Variants in PTPRD observed in about 807,000 individuals in gnomAD.
PTPRD encodes the protein protein tyrosine phosphatase receptor type D.
Under a neutral mutation model 214.5 loss-of-function variants are expected in PTPRD, and 34 were observed. The observed-to-expected ratio is 0.16, with a 90% confidence interval of 0.12 to 0.21. The LOEUF is 0.21. PTPRD is among the 10% of genes least tolerant of loss of function. PTPRD has a pLI of 1.00. For synonymous variants in PTPRD, 1,128 were observed against 845.7 expected, an observed-to-expected ratio of 1.33 and a Z score of -5.79; for missense variants, 2,545 against 2,398.7, an observed-to-expected ratio of 1.06 and a Z score of -1.27.
chr9:9,714,146 G>C (rs962430436), intron 7 of PTPRD, among the ~76,000 whole-genome samples: 2 of 149,416 alleles, frequency 1.3e-5, no homozygotes, highest in Admixed American at 6.7e-5. Flanking sequence ...CTTCACTAAA[G>C]CTTCCTGTAT....
intron 3 of PTPRD, among the ~76,000 whole-genome samples, chr9:10,167,542 T>A (rs2099166803): frequency 6.6e-6 from 1 of 152,170 alleles, no homozygotes; most frequent in South Asian, 2.1e-4. Flanking sequence ...AATACTCTTT[T>A]CTGAACTGTA....
At chr9:9,614,730 A>T (rs2154347972) in intron 7 of PTPRD, among the ~76,000 whole-genome samples, 1 of 152,334 alleles carries the variant, frequency 6.6e-6, no homozygotes, top group African/African-American at 2.4e-5. Flanking sequence ...AAGTAACCTT[A>T]TACCTATATA....
At chr9:9,407,472 T>C (rs1191202305) in intron 8 of PTPRD, among the ~76,000 whole-genome samples, 1 of 151,810 alleles carries the variant, frequency 6.6e-6, no homozygotes, top group Non-Finnish European at 1.5e-5. Flanking sequence ...ACATTGAGTA[T>C]ACCAGATTTA....
intron 3 of PTPRD, among the ~76,000 whole-genome samples, chr9:10,145,616 T>C (rs927498416): frequency 6.6e-6 from 1 of 152,154 alleles, no homozygotes; most frequent in African/African-American, 2.4e-5. Context: ...TAACCCATTA[T>C]TAAGTTTTGG....
chr9:10,073,570 T>C (rs1173381554), intron 3 of PTPRD, among the ~76,000 whole-genome samples: 1 of 152,084 alleles, frequency 6.6e-6, no homozygotes, highest in Non-Finnish European at 1.5e-5. Flanking sequence ...TTTGATTTGC[T>C]AAAAATCCCA....
chr9:8,537,164 G>C (rs1307135423), intron 14 of PTPRD, among the ~76,000 whole-genome samples: 1 of 151,894 alleles, frequency 6.6e-6, no homozygotes, highest in African/African-American at 2.4e-5. Flanking sequence ...TTGAATAAGG[G>C]ACTGAAAACA....
chr9:9,654,543 A>G (rs947363746), intron 7 of PTPRD, among the ~76,000 whole-genome samples: 2 of 152,170 alleles, frequency 1.3e-5, no homozygotes, highest in African/African-American at 2.4e-5. Flanking sequence ...GAGAATGTGG[A>G]AATAAACAAA....
intron 9 of PTPRD, among the ~76,000 whole-genome samples, chr9:9,279,503 G>A (rs963852005): frequency 2.0e-5 from 3 of 150,082 alleles, no homozygotes; most frequent in Non-Finnish European, 4.5e-5. Flanking sequence ...AATTTAAAAA[G>A]CATAAGATAC....
chr9:8,733,562 G>A (rs1185897641), intron 12 of PTPRD, among the ~76,000 whole-genome samples: 1 of 152,166 alleles, frequency 6.6e-6, no homozygotes, highest in African/African-American at 2.4e-5. Flanking sequence ...GGAGCAGTTA[G>A]ATGCACAAGA....
chr9:9,922,725 A>G (rs772048374), intron 5 of PTPRD, among the ~76,000 whole-genome samples: 1 of 152,126 alleles, frequency 6.6e-6, no homozygotes, highest in Non-Finnish European at 1.5e-5. Context: ...CCAGTAGAAC[A>G]TAAGACAAAC....
chr9:9,316,890 G>T (rs1020113958), intron 9 of PTPRD, among the ~76,000 whole-genome samples: 1 of 152,052 alleles, frequency 6.6e-6, no homozygotes, highest in African/African-American at 2.4e-5. Context: ...TCTTCACTGA[G>T]AATATTGAGA....
In PTPRD at chr9:10,190,181, A is replaced by G. The variant is rs144662165; in HGVS notation, c.-545+150782T>C. Reference sequence around the variant, plus strand: ...CAGGAGTTCGAGATCAGCCTGACCAATATGGTGAAACCTCGTCTCTACTAA... The same window carrying G: ...CAGGAGTTCGAGATCAGCCTGACCAGTATGGTGAAACCTCGTCTCTACTAA... On this transcript the variant is annotated intron_variant, in intron 3 of 45. Transcript: ENST00000381196. Among the ~76,000 whole-genome samples the G allele has an allele frequency of 2.0e-3, 297 of 151,732 alleles. 2 individuals carry two copies. Among genetic ancestry groups the G allele is most frequent in the Admixed American group, 3.9e-3 (59 of 15,232 alleles).
At chr9:9,632,820 T>C (rs886316960) in intron 7 of PTPRD, among the ~76,000 whole-genome samples, 2 of 152,106 alleles carry the variant, frequency 1.3e-5, no homozygotes, top group African/African-American at 4.8e-5. Context: ...GAACTAAGAA[T>C]GGTTTGGAAG....
At chr9:8,835,809 A>T (rs1394825519) in intron 11 of PTPRD, among the ~76,000 whole-genome samples, 1 of 152,150 alleles carries the variant, frequency 6.6e-6, no homozygotes, top group African/African-American at 2.4e-5. Flanking sequence ...AAGTGCTGGG[A>T]CCATAGGCAT....
intron 3 of PTPRD, among the ~76,000 whole-genome samples, chr9:10,297,131 T>C (rs1408034501): frequency 1.4e-5 from 2 of 147,608 alleles, no homozygotes; most frequent in Admixed American, 1.4e-4. Context: ...AAAATATATA[T>C]ATATTTTTAT....
chr9:9,022,024 G>T (rs369496831), intron 10 of PTPRD, among the ~76,000 whole-genome samples: 4 of 152,082 alleles, frequency 2.6e-5, no homozygotes, highest in African/African-American at 7.2e-5. Context: ...GCTAATGCAT[G>T]CGGGGCTTAA....
At chr9:8,561,614 G>T (rs528677811) in intron 14 of PTPRD, among the ~76,000 whole-genome samples, 3 of 152,166 alleles carry the variant, frequency 2.0e-5, no homozygotes, top group Admixed American at 6.5e-5. Flanking sequence ...GTGAGGGGGG[G>T]TGGAGAGTGG....
At chr9:8,415,894 C>T (rs781057956) in intron 35 of PTPRD, among the ~76,000 whole-genome samples, 2 of 151,930 alleles carry the variant, frequency 1.3e-5, no homozygotes, top group Non-Finnish European at 1.5e-5. Context: ...AGTTTTAGAA[C>T]TAAGAAGCAA....
At chr9:9,951,929 T>G (rs2093488959) in intron 4 of PTPRD, among the ~76,000 whole-genome samples, 1 of 152,222 alleles carries the variant, frequency 6.6e-6, no homozygotes, top group African/African-American at 2.4e-5. Flanking sequence ...ATTGAGTACT[T>G]GGGTAAGAAC....
Sources: allele counts gnomAD v4.1 joint callset (sites outside exome capture counted in the v4.1 genomes callset), GRCh38; gene constraint gnomAD v4.1.1; transcripts MANE v1.5; gene names NCBI Gene and HGNC (gene_info 2026-07-23, HGNC 2026-07-21).